Variants in CLTB observed in about 807,000 individuals in gnomAD.
CLTB encodes clathrin light chain B.
A neutral mutation model predicts 30.5 loss-of-function variants in CLTB; 10 were observed. The ratio of observed to expected loss-of-function variants is 0.33; its 90% CI spans 0.20 to 0.56. CLTB has a LOEUF of 0.56. Ranked by LOEUF, CLTB falls within the 20% of genes least tolerant of loss-of-function variation. The pLI, the probability that CLTB is intolerant of heterozygous loss-of-function variation, is 0.91. For synonymous variants in CLTB, 102 were observed against 120.3 expected (o/e 0.85, Z 1.00); for missense variants, 261 against 308.3 (o/e 0.85, Z 1.15).
chr5:176,398,424 A>C (rs60160326), intron 2 of CLTB, among the ~76,000 whole-genome samples: 20,126 of 152,214 alleles, frequency 0.13, 1,660 homozygotes, highest in East Asian at 0.24. Context: ...TAAAAATTAT[A>C]AAGAATGTCG....
intron 1 of CLTB, among the ~76,000 whole-genome samples, chr5:176,413,793 C>T (rs1224441319): frequency 1.6e-4 from 24 of 152,322 alleles, no homozygotes; most frequent in Admixed American, 1.4e-3. Flanking sequence ...TCCACTGAGC[C>T]GCCATCCCTC....
chr5:176,403,767 GTGTT>G (rs902715556), intron 2 of CLTB, among the ~76,000 whole-genome samples: 2 of 143,758 alleles, frequency 1.4e-5, no homozygotes, highest in Non-Finnish European at 3.0e-5. Flanking sequence ...TTGTGTGTGT[GTGTT>G]TGTTTTGAGA....
At chr5:176,415,211 A>T (rs1360385807) in intron 1 of CLTB, among the ~76,000 whole-genome samples, 1 of 152,244 alleles carries the variant, frequency 6.6e-6, no homozygotes, top group Admixed American at 6.5e-5. Flanking sequence ...ACAGTAAATC[A>T]TAATAGCCCC....
intron 2 of CLTB, among the ~76,000 whole-genome samples, chr5:176,399,711 T>C (rs910013547): frequency 4.0e-5 from 6 of 151,806 alleles, no homozygotes; most frequent in Non-Finnish European, 8.8e-5. Flanking sequence ...CTGGCCAACA[T>C]GGCGAAACCC....
chr5:176,398,805 T>C (rs1756674482), intron 2 of CLTB, among the ~76,000 whole-genome samples: 1 of 152,108 alleles, frequency 6.6e-6, no homozygotes, highest in Non-Finnish European at 1.5e-5. Context: ...TCTATTGTGG[T>C]TGTATTAACT....
Position 176,393,081 on chromosome 5 carries a change from G to T in CLTB, c.519-136C>A, listed in dbSNP as rs1561789686. ...CTTGTGCCCCCCTGACTTCAGAGGA[G>T]GGCAGCCTTGGCGCAGGAGGAAGCC... On this transcript the variant is annotated intron_variant, in intron 5 of 5. Transcript: ENST00000310418. The surrounding 1 kb of genome is among the most constrained non-coding windows in gnomAD (Gnocchi z 4.4). 4.2e-6 allele frequency: 4 copies of T among 949,864 alleles called. No homozygotes were observed. Among genetic ancestry groups the T allele is most frequent in the Non-Finnish European group, 6.5e-6 (4 of 614,638 alleles). The allele number at this position is 949,864 out of a possible 1,614,324, so 58.8% of individuals were successfully genotyped here.
At chr5:176,395,842 A>G (rs549535091) in intron 5 of CLTB, among the ~76,000 whole-genome samples, 6 of 152,156 alleles carry the variant, frequency 3.9e-5, no homozygotes, top group African/African-American at 1.4e-4. Context: ...TGTTGAATAA[A>G]AGACCCCTTC....
intron 1 of CLTB, among the ~76,000 whole-genome samples, chr5:176,411,457 T>A (rs1757423471): frequency 6.6e-6 from 1 of 152,188 alleles, no homozygotes; most frequent in South Asian, 2.1e-4. Flanking sequence ...CCTCACTCCC[T>A]TCAGCTTCTG....
At chr5:176,410,136 C>T in intron 2 of CLTB, 121 bp downstream of exon 2, 1 of 844,080 alleles carries the variant, frequency 1.2e-6, no homozygotes, top group Non-Finnish European at 1.9e-6. Context: ...TGTTTCCACC[C>T]CAATGCATCA....
chr5:176,416,103 T>G, intron 1 of CLTB, 74 bp downstream of exon 1: 4 of 1,364,438 alleles, frequency 2.9e-6, no homozygotes, highest in Non-Finnish European at 3.8e-6. Context: ...CTCTCTTCCC[T>G]GTGCCCCTGG....
At position 176,416,511 on chromosome 5, in the gene CLTB, T is replaced by C. The variant is rs1007024056; in HGVS notation, c.-148A>G. 1,116 of 470,172 alleles carry C rather than the reference T, an allele frequency of 2.4e-3. 2 individuals carry two copies. The highest frequency in any genetic ancestry group is 3.1e-3 in the Non-Finnish European group (1,017 of 325,146). The allele number at this position is 470,172 out of a possible 1,614,324, so 29.1% of individuals were successfully genotyped here. On this transcript the variant is annotated 5_prime_UTR_variant, in exon 1 of 6. Coordinates refer to ENST00000310418, the MANE Select transcript of CLTB (RefSeq NM_007097.5). ...GGCTTGGCGCGGACCGCACTTCCTC[T>C]CCGCCACCGGGCCCGGCTGGCTGTC...
intron 1 of CLTB, among the ~76,000 whole-genome samples, chr5:176,412,710 G>T (rs1251565854): frequency 1.3e-5 from 2 of 152,142 alleles, no homozygotes; most frequent in Non-Finnish European, 2.9e-5. Context: ...TGCTTTCAGA[G>T]TCAACCAGTG....
Position 176,392,633 on chromosome 5 carries a change from C to T in CLTB, c.*141G>A. 1 of 967,844 alleles carries T rather than the reference C, an allele frequency of 1.0e-6. No individual in the cohort carries two copies. Among genetic ancestry groups the T allele is most frequent in the Non-Finnish European group, 1.5e-6 (1 of 652,590 alleles). 60.0% of individuals were successfully genotyped at this position (967,844 alleles called of 1,614,324 possible). A position where few individuals can be genotyped will look rare whatever the true frequency, so the allele number is the denominator to read the frequency against. On this transcript the variant is annotated 3_prime_UTR_variant, in exon 6 of 6. Transcript: ENST00000310418. The surrounding 1 kb of genome is among the most constrained non-coding windows in gnomAD (Gnocchi z 5.2). ...AGCGAGGCGTGATGGGGTGAGGGCC[C>T]CCCTCCCAGCGCCTGGAGATGGGGA...
chr5:176,392,647 T>G lies in CLTB; in HGVS notation c.*127A>C. 3.6e-6 allele frequency: 4 copies of G among 1,119,100 alleles called. No individual in the cohort carries two copies. The highest frequency in any genetic ancestry group is 1.5e-5 in the South Asian group (1 of 68,196). 69.3% of individuals were successfully genotyped at this position (1,119,100 alleles called of 1,614,324 possible). A position where few individuals can be genotyped will look rare whatever the true frequency, so the allele number is the denominator to read the frequency against. On this transcript the variant is annotated 3_prime_UTR_variant, in exon 6 of 6. Transcript: ENST00000310418. The surrounding 1 kb of genome is among the most constrained non-coding windows in gnomAD (Gnocchi z 5.2). ...GGGTGAGGGCCCCCCTCCCAGCGCC[T>G]GGAGATGGGGAGGAGTGGAATAGGC...
In CLTB at chr5:176,397,647, G is replaced by T; in HGVS notation, c.424C>A (p.Arg142Ser). The stretch of plus-strand genomic sequence containing the variant: ...TTCTTCTCTACTTGTTCACTCTGGC[G>T]CTGGTTCCACTCCTCCAGGTCCTTC... ...AKKDLEEWNQRQSEQVEKNKI... is the reference protein window; with the variant it reads ...AKKDLEEWNQSQSEQVEKNKI... The change falls in exon 4 of 6, where the codon CGC becomes AGC. Residue 142 changes from arginine to serine, a missense_variant. By Grantham distance (110) the Arg-to-Ser change is moderately radical. This residue lies in a region of CLTB where 123 missense variants were observed against 157.0 expected (regional missense o/e 0.78). Transcript: ENST00000310418. The T allele has an allele frequency of 6.2e-7, 1 of 1,612,024 alleles. No homozygotes were observed. Among genetic ancestry groups the T allele is most frequent in the South Asian group, 1.1e-5 (1 of 90,982 alleles).
At chr5:176,416,125 G>T in intron 1 of CLTB, 52 bp downstream of exon 1, 1 of 1,439,674 alleles carries the variant, frequency 6.9e-7, no homozygotes, top group Non-Finnish European at 9.0e-7. Context: ...CCCCGGCCGG[G>T]GTCCCCCGGG....
At chr5:176,397,801 G>A in intron 3 of CLTB, 83 bp from the exon 4 acceptor site, 2 of 1,510,152 alleles carry the variant, frequency 1.3e-6, no homozygotes, top group Admixed American at 1.7e-5. Flanking sequence ...GCCCCTGCCA[G>A]GCAGCCACAG....
In CLTB at chr5:176,396,496, A is replaced by T; in HGVS notation, c.501T>A (p.Ala167=). ...ACACGTACACGTAGCCGATGATATCAGCATCTGGCTGCTGGTAGAATGCTT... is the reference window on the plus strand; with the variant it reads ...ACACGTACACGTAGCCGATGATATCTGCATCTGGCTGCTGGTAGAATGCTT... ...ADKAFYQQPD[A]DIIGYVASEE... Residue 167 remains alanine (A), a synonymous_variant, in exon 5 of 6, where the codon GCT becomes GCA. Coordinates refer to ENST00000310418, the MANE Select transcript of CLTB (RefSeq NM_007097.5). 1 of 1,613,960 alleles carries T rather than the reference A, an allele frequency of 6.2e-7. No individual in the cohort carries two copies. The highest frequency in any genetic ancestry group is 8.5e-7 in the Non-Finnish European group (1 of 1,179,832).
At chr5:176,409,567 C>A (rs1238493273) in intron 2 of CLTB, among the ~76,000 whole-genome samples, 7 of 152,180 alleles carry the variant, frequency 4.6e-5, no homozygotes, top group African/African-American at 1.4e-4. Context: ...GCACCTGCCA[C>A]AATGACTGGC....
Sources: allele counts gnomAD v4.1 joint callset (sites outside exome capture counted in the v4.1 genomes callset), GRCh38; gene constraint gnomAD v4.1.1; regional missense constraint gnomAD v4.1.1; non-coding constraint Gnocchi (gnomAD v3.1); transcripts MANE v1.5; gene names NCBI Gene and HGNC (gene_info 2026-07-23, HGNC 2026-07-21).